ZNF385D: variants seen among roughly 807,000 people sequenced by gnomAD.
ZNF385D encodes zinc finger protein 659.
A neutral mutation model predicts 35.8 loss-of-function variants in ZNF385D; 15 were observed. That is an observed-to-expected ratio of 0.42 (90% CI 0.28 to 0.64). ZNF385D has a LOEUF of 0.64. ZNF385D is among the 30% of genes least tolerant of loss of function. The pLI is 0.23. For synonymous variants in ZNF385D, 212 were observed against 186.8 expected, an observed-to-expected ratio of 1.13 and a Z score of -1.10; for missense variants, 474 against 494.6, an observed-to-expected ratio of 0.96 and a Z score of 0.39.
chr3:21,517,375 A>C (rs1707638829), intron 3 of ZNF385D, among the ~76,000 whole-genome samples: 1 of 152,134 alleles, frequency 6.6e-6, no homozygotes, highest in Admixed American at 6.6e-5. Context: ...AGATGCCTGC[A>C]GACTCCCTGC....
intron 3 of ZNF385D, among the ~76,000 whole-genome samples, chr3:21,535,745 A>G (rs1304422065): frequency 6.6e-6 from 1 of 152,058 alleles, no homozygotes; most frequent in Non-Finnish European, 1.5e-5. Context: ...CATGTCACAG[A>G]TCTAACTAGC....
intron 4 of ZNF385D, among the ~76,000 whole-genome samples, chr3:21,507,019 C>T (rs1232384863): frequency 6.6e-6 from 1 of 151,878 alleles, no homozygotes; most frequent in East Asian, 1.9e-4. Context: ...AGGAGCTAAC[C>T]CCATGGTTTA....
intron 2 of ZNF385D, among the ~76,000 whole-genome samples, chr3:21,642,012 T>A (rs1431493914): frequency 3.6e-4 from 54 of 152,038 alleles, no homozygotes; most frequent in Admixed American, 3.5e-3. Flanking sequence ...TCACCACGTG[T>A]ACAGTAAAGA....
At chr3:21,818,677 A>T (rs2073266646) in intron 3 of ZNF385D, among the ~76,000 whole-genome samples, 1 of 152,156 alleles carries the variant, frequency 6.6e-6, no homozygotes, top group Non-Finnish European at 1.5e-5. Context: ...GGGCATATGG[A>T]GGAAATGAGA....
chr3:22,126,149 T>C (rs546240092), intron 3 of ZNF385D, among the ~76,000 whole-genome samples: 1 of 152,168 alleles, frequency 6.6e-6, no homozygotes, highest in South Asian at 2.1e-4. Flanking sequence ...CAAATGCTTT[T>C]CCAGCATCAA....
intron 2 of ZNF385D, among the ~76,000 whole-genome samples, chr3:22,342,002 G>A (rs1245823869): frequency 2.6e-5 from 4 of 152,044 alleles, no homozygotes; most frequent in Admixed American, 6.5e-5. Flanking sequence ...GAGGCCGGGC[G>A]CGGTGGCTCA....
chr3:22,324,819 G>A (rs2125450475), intron 2 of ZNF385D, among the ~76,000 whole-genome samples: 1 of 152,210 alleles, frequency 6.6e-6, no homozygotes, highest in African/African-American at 2.4e-5. Context: ...ATTACACAGG[G>A]AATGAGATTG....
chr3:21,625,810 C>G (rs2065119790), intron 2 of ZNF385D, among the ~76,000 whole-genome samples: 1 of 151,968 alleles, frequency 6.6e-6, no homozygotes, highest in Non-Finnish European at 1.5e-5. Context: ...GAGTATCTAC[C>G]ACATCAGACA....
intron 2 of ZNF385D, among the ~76,000 whole-genome samples, chr3:22,267,251 T>C (rs1700944114): frequency 6.6e-6 from 1 of 151,916 alleles, no homozygotes; most frequent in Non-Finnish European, 1.5e-5. Flanking sequence ...ATAAATAACA[T>C]ACAGAGTATA....
intron 2 of ZNF385D, among the ~76,000 whole-genome samples, chr3:21,644,475 T>G (rs4241507): frequency 6.6e-6 from 1 of 151,898 alleles, no homozygotes; most frequent in Non-Finnish European, 1.5e-5. Flanking sequence ...TCACGTGAAC[T>G]TCTTTGGGAT....
chr3:22,094,385 GATATATATAT>G lies in ZNF385D; in HGVS notation c.325+74422_325+74431del, dbSNP rs140274686. 3.1e-4 allele frequency among the ~76,000 whole-genome samples: 22 copies of G among 70,828 alleles called. 1 individual carries two copies. The highest frequency in any genetic ancestry group is 4.7e-4 in the African/African-American group (11 of 23,206). The allele number at this position is 70,828 out of a possible 152,430, so 46.5% of individuals were successfully genotyped here. A position where few individuals can be genotyped will look rare whatever the true frequency, so the allele number is the denominator to read the frequency against. ...CCATTGTCTTCTGTCATTTATTGTTGATATATATATATATATATATATATAAAGGCATTTG... is the reference window on the plus strand; with the variant it reads ...CCATTGTCTTCTGTCATTTATTGTTGATATATATATATATAAAGGCATTTG... On this transcript the variant is annotated intron_variant, in intron 3 of 5. Transcript: ENST00000494108.
At chr3:21,551,718 A>G (rs534354239) in intron 3 of ZNF385D, among the ~76,000 whole-genome samples, 13 of 152,294 alleles carry the variant, frequency 8.5e-5, no homozygotes, top group African/African-American at 2.9e-4. Flanking sequence ...ACATAACCCC[A>G]TGTATGTTTC....
At chr3:21,528,411 G>A (rs1250777375) in intron 3 of ZNF385D, among the ~76,000 whole-genome samples, 1 of 152,114 alleles carries the variant, frequency 6.6e-6, no homozygotes, top group Non-Finnish European at 1.5e-5. Context: ...AGAAATAAGT[G>A]CCAGTGAACA....
intron 3 of ZNF385D, among the ~76,000 whole-genome samples, chr3:21,924,283 T>C (rs1032843700): frequency 1.3e-5 from 2 of 152,092 alleles, no homozygotes; most frequent in Admixed American, 1.3e-4. Flanking sequence ...ATTCACAAGG[T>C]ATTGTAAAAT....
intron 2 of ZNF385D, among the ~76,000 whole-genome samples, chr3:22,351,976 A>G (rs945231969): frequency 6.6e-6 from 1 of 152,154 alleles, no homozygotes; most frequent in Non-Finnish European, 1.5e-5. Context: ...CATCTTTTGT[A>G]TCATTACCTC....
rs113321262 is a variant in ZNF385D at position 21,773,717 on chromosome 3, T to C, written c.326-108689A>G. Among the ~76,000 whole-genome samples the C allele has an allele frequency of 7.7e-3, 1,162 of 151,196 alleles. 19 individuals carry two copies. Among genetic ancestry groups the C allele is most frequent in the African/African-American group, 0.026 (1,064 of 41,164 alleles). On this transcript the variant is annotated intron_variant, in intron 3 of 5. Coordinates refer to the ZNF385D transcript ENST00000494108. Reference sequence around the variant, plus strand: ...AGAGAAATGAAAATCAAAACTACAATAGATACCATCTCATGCCAGTCAGAA... The same window carrying C: ...AGAGAAATGAAAATCAAAACTACAACAGATACCATCTCATGCCAGTCAGAA...
At chr3:21,921,556 A>T (rs953407169) in intron 3 of ZNF385D, among the ~76,000 whole-genome samples, 9 of 152,246 alleles carry the variant, frequency 5.9e-5, no homozygotes, top group Admixed American at 4.6e-4. Flanking sequence ...ATCTATGTTT[A>T]TTCCTCTTTT....
chr3:21,881,254 G>C (rs1281666344), intron 3 of ZNF385D, among the ~76,000 whole-genome samples: 1 of 151,902 alleles, frequency 6.6e-6, no homozygotes, highest in Non-Finnish European at 1.5e-5. Context: ...TTAGTGCCTG[G>C]CATCAAATTT....
At chr3:21,837,802 G>A (rs989060142) in intron 3 of ZNF385D, among the ~76,000 whole-genome samples, 10 of 151,330 alleles carry the variant, frequency 6.6e-5, no homozygotes, top group African/African-American at 2.2e-4. Flanking sequence ...AACCCGAGAG[G>A]TGGAGGTTGC....
Sources: allele counts gnomAD v4.1 joint callset (sites outside exome capture counted in the v4.1 genomes callset), GRCh38; gene constraint gnomAD v4.1.1; transcripts MANE v1.5; gene names NCBI Gene and HGNC (gene_info 2026-07-23, HGNC 2026-07-21).